Variants in KCNK5 observed in about 807,000 individuals in gnomAD.
KCNK5 encodes potassium channel subfamily K member 5.
KCNK5 carries 18 observed loss-of-function variants against 32.9 expected under a neutral mutation model. The ratio of observed to expected loss-of-function variants is 0.55; its 90% CI spans 0.38 to 0.81. The LOEUF (loss-of-function observed/expected upper bound fraction) is 0.81, where lower values mean the gene tolerates loss of function less well. Among genes scored for constraint, KCNK5 ranks in the 30% least tolerant of loss-of-function variants. KCNK5 has a pLI of 0.00. For missense variants in KCNK5, 507 were observed against 651.0 expected, an observed-to-expected ratio of 0.78 and a Z score of 2.41; for synonymous variants, 276 against 275.3, an observed-to-expected ratio of 1.00 and a Z score of -0.03.
chr6:39,217,422 G>C (rs1222996040), intron 1 of KCNK5, among the ~76,000 whole-genome samples: 1 of 152,222 alleles, frequency 6.6e-6, no homozygotes, highest in Non-Finnish European at 1.5e-5. Flanking sequence ...TGCTGGAGCA[G>C]TGATCTGATG....
At chr6:39,224,287 T>G (rs562661455) in intron 1 of KCNK5, among the ~76,000 whole-genome samples, 1 of 152,180 alleles carries the variant, frequency 6.6e-6, no homozygotes, top group South Asian at 2.1e-4. Context: ...AGAGCTATTG[T>G]GTTCCTTTTA....
intron 1 of KCNK5, among the ~76,000 whole-genome samples, chr6:39,213,575 C>T (rs1254956232): frequency 2.0e-5 from 3 of 152,162 alleles, no homozygotes; most frequent in African/African-American, 7.2e-5. Context: ...GGCCAGAGCC[C>T]ACCAGTTCAA....
chr6:39,223,656 T>C (rs1279831200), intron 1 of KCNK5, among the ~76,000 whole-genome samples: 1 of 152,088 alleles, frequency 6.6e-6, no homozygotes, highest in Non-Finnish European at 1.5e-5. Flanking sequence ...GGGGCCTGGC[T>C]CCTCTGCTCC....
intron 1 of KCNK5, among the ~76,000 whole-genome samples, chr6:39,227,239 A>C (rs1269276181): frequency 1.3e-5 from 2 of 152,022 alleles, no homozygotes; most frequent in Non-Finnish European, 2.9e-5. Flanking sequence ...AGAGGGAAAC[A>C]CTTCGAGGGC....
intron 1 of KCNK5, among the ~76,000 whole-genome samples, chr6:39,208,952 T>C (rs1317275673): frequency 6.6e-6 from 1 of 152,088 alleles, no homozygotes; most frequent in Non-Finnish European, 1.5e-5. Flanking sequence ...TAGCTGGGCA[T>C]GGTGGTGCAT....
At chr6:39,221,715 C>T (rs1289460333) in intron 1 of KCNK5, among the ~76,000 whole-genome samples, 1 of 152,142 alleles carries the variant, frequency 6.6e-6, no homozygotes, top group Non-Finnish European at 1.5e-5. Context: ...GGTTAGGGGC[C>T]CCCTGAGGGC....
At chr6:39,217,119 A>AAAG (rs1491247610) in intron 1 of KCNK5, among the ~76,000 whole-genome samples, 1,761 of 11,960 alleles carry the variant, frequency 0.15, 26 homozygotes, top group African/African-American at 0.22. Context: ...AAACTCCATC[A>AAAG]AAAAAAAAAA....
At chr6:39,228,560 A>C (rs1283346473) in intron 1 of KCNK5, among the ~76,000 whole-genome samples, 1 of 151,776 alleles carries the variant, frequency 6.6e-6, no homozygotes, top group African/African-American at 2.4e-5. Context: ...TGGCTCCCAG[A>C]CTCCGGGAGC....
intron 1 of KCNK5, among the ~76,000 whole-genome samples, chr6:39,220,303 C>A (rs1388175897): frequency 1.3e-5 from 2 of 152,184 alleles, no homozygotes; most frequent in Non-Finnish European, 1.5e-5. Flanking sequence ...GCCAGAAGTA[C>A]ACAGCCCTGC....
rs1562050490 is a variant in KCNK5 at position 39,194,612 on chromosome 6, G to A, written c.447C>T (p.Thr149=). The part of the protein sequence containing the change: ...GRAKRLGQFL[T]KRGVSLRKAQ... ...GACATACCAGACTCACACCTCTCTT[G>A]GTAAGGAACTGCCCTAGTCTCTTGG... The change falls in exon 3 of 5, where the codon ACC becomes ACT. Residue 149 remains threonine, a synonymous_variant. Coordinates refer to ENST00000359534, the MANE Select transcript of KCNK5 (RefSeq NM_003740.4). This position sits in a 1 kb window ranked among gnomAD's most constrained non-coding sequence, Gnocchi z 4.7. The A allele has an allele frequency of 6.2e-7, 1 of 1,614,050 alleles. No individual in the cohort carries two copies. The highest frequency in any genetic ancestry group is 8.5e-7 in the Non-Finnish European group (1 of 1,180,002).
intron 1 of KCNK5, among the ~76,000 whole-genome samples, chr6:39,219,415 A>G (rs1318106647): frequency 6.6e-6 from 1 of 152,112 alleles, no homozygotes; most frequent in African/African-American, 2.4e-5. Context: ...AGATGATGCA[A>G]TGTGCTCAAG....
intron 1 of KCNK5, among the ~76,000 whole-genome samples, chr6:39,197,766 T>A (rs568485362): frequency 2.6e-5 from 4 of 152,270 alleles, no homozygotes; most frequent in Admixed American, 6.5e-5. Context: ...ACCTCAGATA[T>A]CGATCTTGAA....
Position 39,190,847 on chromosome 6 carries a change from G to C in KCNK5, c.*43C>G, listed in dbSNP as rs1444389227. 6.9e-7 allele frequency: 1 copy of C among 1,447,276 alleles called. No individual in the cohort carries two copies. The highest frequency in any genetic ancestry group is 1.5e-5 in the South Asian group (1 of 65,570). 89.7% of individuals were successfully genotyped at this position (1,447,276 alleles called of 1,614,324 possible). On this transcript the variant is annotated 3_prime_UTR_variant, in exon 5 of 5. Transcript: ENST00000359534. The stretch of plus-strand genomic sequence containing the variant: ...CATCTCGGGACACCCTAGGGTGAGG[G>C]GGGAAGAGGCCATCAAAGGTGGGGT...
At position 39,229,292 on chromosome 6, in the gene KCNK5, G is replaced by C; in HGVS notation, c.-181C>G. The C allele has an allele frequency of 1.4e-6, 1 of 706,272 alleles. No homozygotes were observed. The highest frequency in any genetic ancestry group is 2.3e-6 in the Non-Finnish European group (1 of 435,958). 43.8% of individuals were successfully genotyped at this position (706,272 alleles called of 1,614,324 possible). A position where few individuals can be genotyped will look rare whatever the true frequency, so the allele number is the denominator to read the frequency against. Reference sequence around the variant, plus strand: ...GAGTTGCTTGGCCAAGTTGGCCCACGGAGTGCGGGGAGCTGCGTGGGGCCC... The same window carrying C: ...GAGTTGCTTGGCCAAGTTGGCCCACCGAGTGCGGGGAGCTGCGTGGGGCCC... On this transcript the variant is annotated 5_prime_UTR_variant, in exon 1 of 5. Transcript: ENST00000359534.
rs1562047929 is a variant in KCNK5 at position 39,189,510 on chromosome 6, A to T, written c.*1380T>A. On this transcript the variant is annotated 3_prime_UTR_variant, in exon 5 of 5. Transcript: ENST00000359534. ...CCTGCTCTTTAACCACTGGCTCTGAAGCCAACAACAGATTCCAGGTATATA... is the reference window on the plus strand; with the variant it reads ...CCTGCTCTTTAACCACTGGCTCTGATGCCAACAACAGATTCCAGGTATATA... 6.6e-6 allele frequency: 1 copy of T among 152,632 alleles called. No individual in the cohort carries two copies. Among genetic ancestry groups the T allele is most frequent in the Non-Finnish European group, 1.5e-5 (1 of 68,038 alleles). The allele number at this position is 152,632 out of a possible 1,614,324, so 9.5% of individuals were successfully genotyped here.
At chr6:39,218,920 G>A (rs114339850) in intron 1 of KCNK5, among the ~76,000 whole-genome samples, 74 of 152,326 alleles carry the variant, frequency 4.9e-4, no homozygotes, top group African/African-American at 1.7e-3. Flanking sequence ...GCCCCAGCTC[G>A]TCCAACTTGC....
At chr6:39,201,239 A>G (rs932173366) in intron 1 of KCNK5, among the ~76,000 whole-genome samples, 32 of 148,898 alleles carry the variant, frequency 2.1e-4, no homozygotes, top group Non-Finnish European at 4.1e-4. Flanking sequence ...CAGCTGCATC[A>G]ATTCTTTTTT....
intron 1 of KCNK5, among the ~76,000 whole-genome samples, chr6:39,224,470 T>C (rs1247207926): frequency 2.0e-5 from 3 of 152,182 alleles, no homozygotes; most frequent in Non-Finnish European, 4.4e-5. Context: ...TTTTCAAATC[T>C]GGGGAGCAGG....
chr6:39,214,199 A>G (rs1771391034), intron 1 of KCNK5, among the ~76,000 whole-genome samples: 1 of 152,128 alleles, frequency 6.6e-6, no homozygotes, highest in Admixed American at 6.5e-5. Context: ...GGAACCTTCT[A>G]GAACAGGACC....
Sources: gnomAD v4.1 joint callset for allele counts (sites outside exome capture counted in the v4.1 genomes callset) on GRCh38, gnomAD v4.1.1 for gene constraint, Gnocchi (gnomAD v3.1) non-coding constraint, MANE v1.5 for transcripts, NCBI Gene and HGNC (gene_info 2026-07-23, HGNC 2026-07-21) for gene names.